TMEM39B: variants seen among roughly 807,000 people sequenced by gnomAD.
TMEM39B encodes transmembrane protein 39B.
In TMEM39B, 23 loss-of-function variants were observed where a neutral mutation model predicts 52.2. The ratio of observed to expected loss-of-function variants is 0.44; its 90% confidence interval spans 0.32 to 0.62. The LOEUF (loss-of-function observed/expected upper bound fraction) is 0.62. TMEM39B is among the 20% of genes least tolerant of loss of function. TMEM39B has a pLI of 0.06. For missense variants in TMEM39B, 547 were observed against 642.0 expected (o/e 0.85, Z 1.60); for synonymous variants, 285 against 264.0 (o/e 1.08, Z -0.77).
rs1052880118 is a variant in TMEM39B at position 32,094,780 on chromosome 1, C to G, written c.928-4C>G. ...AGGCCTCACCCACCTTCTGCTACCC[C>G]CAGAACACACATTACTATGACAAGC... On this transcript the variant is annotated splice_polypyrimidine_tract_variant and splice_region_variant and intron_variant, in intron 6 of 8. Transcript: ENST00000336294. The G allele has an allele frequency of 5.6e-6, 9 of 1,614,016 alleles. No homozygotes were observed. In the Admixed American group the frequency reaches 1.5e-4, roughly 27 times the overall value.
intron 7 of TMEM39B, among the ~76,000 whole-genome samples, chr1:32,098,172 TG>T (rs748086135): frequency 2.4e-4 from 37 of 151,892 alleles, no homozygotes; most frequent in Admixed American, 5.9e-4. Flanking sequence ...AATTTTTTTT[TG>T]TATTTTTAGT....
chr1:32,081,032 AAAAT>A (rs1272817010), intron 5 of TMEM39B, among the ~76,000 whole-genome samples: 1 of 151,896 alleles, frequency 6.6e-6, no homozygotes. Flanking sequence ...CCTGTCTCTA[AAAAT>A]AAATAAATAA....
intron 5 of TMEM39B, 128 bp from the exon 6 acceptor site, chr1:32,091,546 TG>T: frequency 1.0e-6 from 1 of 1,004,158 alleles, no homozygotes; most frequent in Non-Finnish European, 1.4e-6. Flanking sequence ...ATGGAAGGAC[TG>T]GTAAATTCTC....
At chr1:32,101,468 C>G (rs1197208660) in intron 8 of TMEM39B, among the ~76,000 whole-genome samples, 1 of 151,246 alleles carries the variant, frequency 6.6e-6, no homozygotes, top group Non-Finnish European at 1.5e-5. Flanking sequence ...AGGCCAAAAT[C>G]CAATATATGG....
At chr1:32,077,118 G>A (rs779602824) in intron 4 of TMEM39B, 46 bp from the exon 5 acceptor site, 31 of 1,606,732 alleles carry the variant, frequency 1.9e-5, no homozygotes, top group South Asian at 1.6e-4. Context: ...CAGCCCCTTC[G>A]GCCTCCATCC....
intron 7 of TMEM39B, among the ~76,000 whole-genome samples, chr1:32,099,771 G>T (rs1289333786): frequency 1.3e-5 from 2 of 152,172 alleles, no homozygotes; most frequent in African/African-American, 2.4e-5. Flanking sequence ...GCAGGACCAG[G>T]CGCTGTGGCT....
intron 7 of TMEM39B, among the ~76,000 whole-genome samples, chr1:32,096,527 T>C (rs1238995951): frequency 7.0e-6 from 1 of 143,336 alleles, no homozygotes; most frequent in Non-Finnish European, 1.5e-5. Flanking sequence ...TGGCACAATC[T>C]TGGCTCATTG....
chr1:32,090,636 GTTTTTTGT>G (rs1434099953), intron 5 of TMEM39B, among the ~76,000 whole-genome samples: 5 of 151,624 alleles, frequency 3.3e-5, no homozygotes. Context: ...TGTTGTTGTT[GTTTTTTGT>G]TTTTTTGTTT....
chr1:32,089,630 C>T (rs1295308962), intron 5 of TMEM39B, among the ~76,000 whole-genome samples: 1 of 150,734 alleles, frequency 6.6e-6, no homozygotes, highest in Non-Finnish European at 1.5e-5. Context: ...TTGGGACCCC[C>T]AGAAAAAAGT....
At chr1:32,100,331 TAAGTGATAG>T (rs1369561987) in intron 7 of TMEM39B, 102 bp from the exon 8 acceptor site, 2 of 1,255,148 alleles carry the variant, frequency 1.6e-6, no homozygotes, top group Non-Finnish European at 2.1e-6. Flanking sequence ...TCAGCGTGTC[TAAGTGATAG>T]AAATGGGAGT....
chr1:32,101,088 G>A (rs935894755), intron 8 of TMEM39B, among the ~76,000 whole-genome samples: 2 of 152,020 alleles, frequency 1.3e-5, no homozygotes, highest in African/African-American at 4.8e-5. Context: ...GAGAACATTG[G>A]ACAGAGGGAG....
At chr1:32,090,874 C>T (rs1640577042) in intron 5 of TMEM39B, among the ~76,000 whole-genome samples, 1 of 151,964 alleles carries the variant, frequency 6.6e-6, no homozygotes. Flanking sequence ...TCTCCTTACC[C>T]TGTGATCCGC....
intron 7 of TMEM39B, among the ~76,000 whole-genome samples, chr1:32,097,402 C>T (rs184586576): frequency 1.5e-4 from 22 of 151,176 alleles, no homozygotes; most frequent in African/African-American, 3.4e-4. Context: ...GCGATCTTGG[C>T]TCAGTGCAAT....
At chr1:32,073,412 G>C in intron 1 of TMEM39B, 1 of 522,356 alleles carries the variant, frequency 1.9e-6, no homozygotes, top group Non-Finnish European at 2.7e-6. Context: ...TTCTGGGTTG[G>C]AGGGGTTACA....
At chr1:32,086,228 C>T (rs1640343221) in intron 5 of TMEM39B, among the ~76,000 whole-genome samples, 1 of 152,082 alleles carries the variant, frequency 6.6e-6, no homozygotes. Flanking sequence ...TTTATTCATA[C>T]CTGCTCCCCA....
At chr1:32,078,250 A>C (rs1639949035) in intron 5 of TMEM39B, among the ~76,000 whole-genome samples, 1 of 152,174 alleles carries the variant, frequency 6.6e-6, no homozygotes, top group Non-Finnish European at 1.5e-5. Flanking sequence ...TTTGGAGGCC[A>C]AGACAGGCAG....
intron 5 of TMEM39B, 46 bp from the exon 6 acceptor site, chr1:32,091,629 C>T (rs1310651365): frequency 6.5e-7 from 1 of 1,544,244 alleles, no homozygotes; most frequent in Non-Finnish European, 8.8e-7. Context: ...GAGTTGGGAT[C>T]CTGGCCCATG....
At chr1:32,075,872 GTGTA>G (rs927687261) in intron 3 of TMEM39B, 50 bp downstream of exon 3, 8 of 1,213,882 alleles carry the variant, frequency 6.6e-6, no homozygotes, top group African/African-American at 6.1e-5. Flanking sequence ...GTGCGTGTGT[GTGTA>G]TGTGTGTGTG....
At chr1:32,102,345 C>G in intron 8 of TMEM39B, 86 bp from the exon 9 acceptor site, 1 of 1,546,046 alleles carries the variant, frequency 6.5e-7, no homozygotes, top group Non-Finnish European at 8.7e-7. Flanking sequence ...GGAGGCTGTC[C>G]CCTTCACTGG....
Sources: gnomAD v4.1 joint callset for allele counts (sites outside exome capture counted in the v4.1 genomes callset) on GRCh38, gnomAD v4.1.1 for gene constraint, MANE v1.5 for transcripts, NCBI Gene and HGNC (gene_info 2026-07-23, HGNC 2026-07-21) for gene names.